The following ZNF804A variants were observed in gnomAD, a reference collection of about 807,000 sequenced individuals.
ZNF804A encodes zinc finger protein 804A.
Under a neutral mutation model 16.5 loss-of-function variants are expected in ZNF804A, and 2 were observed. The ratio of observed to expected loss-of-function variants is 0.12; its 90% CI spans 0.05 to 0.38. The LOEUF (loss-of-function observed/expected upper bound fraction) is 0.38, where lower values mean the gene tolerates loss of function less well. Ranked by LOEUF, ZNF804A falls within the 10% of genes least tolerant of loss-of-function variation. The probability of loss-of-function intolerance (pLI) is 0.99; values close to 1 mark genes in which losing one functional copy is unlikely to be tolerated. For missense variants in ZNF804A, 1,473 were observed against 1,390.7 expected (o/e 1.06, Z -0.94); for synonymous variants, 534 against 489.6 (o/e 1.09, Z -1.20).
intron 1 of ZNF804A, among the ~76,000 whole-genome samples, chr2:184,631,563 G>A (rs1011504177): frequency 5.9e-5 from 9 of 151,948 alleles, no homozygotes; most frequent in African/African-American, 2.2e-4. Context: ...AGAACAACCC[G>A]GACAACACTG....
chr2:184,798,481 C>G (rs1694672282), intron 1 of ZNF804A, among the ~76,000 whole-genome samples: 1 of 151,792 alleles, frequency 6.6e-6, no homozygotes, highest in South Asian at 2.1e-4. Context: ...AATTTGAATA[C>G]TTGTCTTTGA....
chr2:184,884,198 C>T (rs901158989), intron 2 of ZNF804A, among the ~76,000 whole-genome samples: 2 of 152,006 alleles, frequency 1.3e-5, no homozygotes, highest in Admixed American at 1.3e-4. Context: ...CAACACAGTT[C>T]ACAATAGCTA....
At chr2:184,757,173 A>G (rs985009501) in intron 1 of ZNF804A, among the ~76,000 whole-genome samples, 4 of 152,004 alleles carry the variant, frequency 2.6e-5, no homozygotes, top group Non-Finnish European at 4.4e-5. Flanking sequence ...ATATTGTAAA[A>G]ACAGCTTCCT....
chr2:184,666,112 T>C (rs1397455789), intron 1 of ZNF804A, among the ~76,000 whole-genome samples: 2 of 152,192 alleles, frequency 1.3e-5, no homozygotes, highest in African/African-American at 4.8e-5. Context: ...ACAGTTACTT[T>C]CCAAAGGATA....
intron 2 of ZNF804A, among the ~76,000 whole-genome samples, chr2:184,885,658 G>A (rs867470925): frequency 3.3e-5 from 5 of 152,134 alleles, no homozygotes; most frequent in Admixed American, 6.5e-5. Context: ...GTTCTGAGGA[G>A]GTCTCAGAAT....
At chr2:184,783,389 T>G (rs1694402772) in intron 1 of ZNF804A, among the ~76,000 whole-genome samples, 1 of 151,808 alleles carries the variant, frequency 6.6e-6, no homozygotes, top group South Asian at 2.1e-4. Flanking sequence ...CCATGAAAAC[T>G]AATATATTTC....
rs201041724 is a variant in ZNF804A at position 184,937,448 on chromosome 2, T to C, written c.2052T>C (p.Tyr684=). ...CKTWNTEYNT[Y]DTISSKNHCK... ...CATGGAATACTGAATACAACACTTATGATACTATCAGTTCTAAAAACCACT... is the reference window on the plus strand; with the variant it reads ...CATGGAATACTGAATACAACACTTACGATACTATCAGTTCTAAAAACCACT... Residue 684 remains tyrosine (Y), a synonymous_variant, in exon 4 of 4, where the codon TAT becomes TAC. Coordinates refer to ENST00000302277, the MANE Select transcript of ZNF804A (RefSeq NM_194250.2). The C allele has an allele frequency of 8.1e-6, 13 of 1,610,998 alleles. No individual in the cohort carries two copies. The highest frequency in any genetic ancestry group is 5.3e-5 in the African/African-American group (4 of 74,994).
At chr2:184,771,327 TA>T (rs971309978) in intron 1 of ZNF804A, among the ~76,000 whole-genome samples, 2 of 150,746 alleles carry the variant, frequency 1.3e-5, no homozygotes, top group East Asian at 3.9e-4. Flanking sequence ...CTTAGTGGCT[TA>T]AAAAAAAACA....
At position 184,937,177 on chromosome 2, in the gene ZNF804A, G is replaced by A. The variant is rs1309184993; in HGVS notation, c.1781G>A (p.Arg594Lys). The change falls in exon 4 of 4, where the codon AGA becomes AAA. Residue 594 changes from arginine (R) to lysine (K), a missense_variant. Arg to Lys is a conservative substitution (Grantham distance 26). Transcript: ENST00000302277. ...CATGAATACTGGTTCCATAAAAGTA[G>A]AAGAAAGAAAAAAAGAAAAAAGTTA... ...ETHEYWFHKS[R>K]RKKKRKKLCQ... 2 of 1,596,990 alleles carry A rather than the reference G, an allele frequency of 1.3e-6. No individual in the cohort carries two copies. The highest frequency in any genetic ancestry group is 1.7e-4 in the Middle Eastern group (1 of 5,930).
intron 1 of ZNF804A, among the ~76,000 whole-genome samples, chr2:184,779,806 C>A (rs1459552290): frequency 6.6e-6 from 1 of 151,652 alleles, no homozygotes; most frequent in African/African-American, 2.4e-5. Context: ...TGGTGAGATA[C>A]ATTTTGAACT....
intron 2 of ZNF804A, chr2:184,902,452 A>T (rs969286870): frequency 6.6e-6 from 1 of 152,372 alleles, no homozygotes; most frequent in Admixed American, 6.6e-5. Flanking sequence ...TGTGTGGATC[A>T]TCTTTATGTG....
intron 1 of ZNF804A, among the ~76,000 whole-genome samples, chr2:184,685,462 C>G (rs1692613430): frequency 6.6e-6 from 1 of 152,030 alleles, no homozygotes; most frequent in African/African-American, 2.4e-5. Context: ...TTTCAGTCCC[C>G]CCTTTTGTAG....
intron 1 of ZNF804A, among the ~76,000 whole-genome samples, chr2:184,655,567 A>T (rs1394489531): frequency 6.6e-6 from 1 of 152,184 alleles, no homozygotes; most frequent in African/African-American, 2.4e-5. Context: ...TCCTTTTTGG[A>T]TGAAAGTGTC....
rs1447639183 is a variant in ZNF804A, at chr2:184,844,272, T to C, written c.112-22097T>C. ...TTCAGTATTATTGCTTAAAACAAAG[T>C]TAATTTTTGGATCAATTAAGATTCT... is the stretch of plus-strand genomic sequence containing the variant. On this transcript the variant is annotated intron_variant, in intron 1 of 3. Transcript: ENST00000302277. Among the ~76,000 whole-genome samples, 3 of 151,956 alleles carry C rather than the reference T, an allele frequency of 2.0e-5. No individual in the cohort carries two copies. The East Asian group carries it at 5.8e-4, about 29-fold the overall frequency.
chr2:184,722,886 C>T (rs1348359533), intron 1 of ZNF804A, among the ~76,000 whole-genome samples: 1 of 151,952 alleles, frequency 6.6e-6, no homozygotes, highest in Non-Finnish European at 1.5e-5. Context: ...TTCATGTTAA[C>T]GGTATTTACC....
intron 1 of ZNF804A, among the ~76,000 whole-genome samples, chr2:184,792,643 T>A (rs1261699647): frequency 1.3e-5 from 2 of 152,180 alleles, no homozygotes; most frequent in Non-Finnish European, 2.9e-5. Context: ...TTGACAATGT[T>A]TTTCACAGAA....
intron 1 of ZNF804A, among the ~76,000 whole-genome samples, chr2:184,754,603 T>A (rs1347600096): frequency 6.6e-6 from 1 of 151,948 alleles, no homozygotes; most frequent in African/African-American, 2.4e-5. Flanking sequence ...AAGGTAAATA[T>A]CTCGAATTGA....
intron 2 of ZNF804A, among the ~76,000 whole-genome samples, chr2:184,876,468 C>T (rs980336662): frequency 6.6e-6 from 1 of 152,020 alleles, no homozygotes; most frequent in Non-Finnish European, 1.5e-5. Context: ...ACATTGTTCT[C>T]TTAGAACAAA....
intron 1 of ZNF804A, among the ~76,000 whole-genome samples, chr2:184,827,499 T>A (rs899876623): frequency 3.4e-5 from 5 of 146,652 alleles, no homozygotes; most frequent in South Asian, 2.1e-4. Context: ...TATATAAAAA[T>A]ATATATATAT....
Sources: gnomAD v4.1 joint callset for allele counts (sites outside exome capture counted in the v4.1 genomes callset) on GRCh38, gnomAD v4.1.1 for gene constraint, MANE v1.5 for transcripts, NCBI Gene and HGNC (gene_info 2026-07-23, HGNC 2026-07-21) for gene names.